Variants in ERCC6 observed in about 807,000 individuals in gnomAD.
ERCC6 encodes the protein ERCC excision repair 6, chromatin remodeling factor.
A neutral mutation model predicts 158.7 loss-of-function variants in ERCC6; 116 were observed. The ratio of observed to expected loss-of-function variants is 0.73; its 90% CI spans 0.63 to 0.85. The LOEUF is 0.85. ERCC6 is among the 40% of genes least tolerant of loss of function. The pLI is 0.00. For missense variants in ERCC6, 1,698 were observed against 1,799.4 expected (o/e 0.94, Z 1.02); for synonymous variants, 678 against 659.3 (o/e 1.03, Z -0.43).
chr10:49,508,146 A>C (rs77030623), intron 5 of ERCC6, among the ~76,000 whole-genome samples: 1,820 of 152,326 alleles, frequency 0.012, 28 homozygotes, highest in African/African-American at 0.04. Flanking sequence ...CCTTGGAAGA[A>C]TCACAGCCAC....
In ERCC6 at chr10:49,483,405, A is replaced by C. The variant is rs1382183290; in HGVS notation, c.1933T>G (p.Leu645Val). The stretch of plus-strand genomic sequence containing the variant: ...TTTCGAATTTTGTGTCCTTCGTCCA[A>C]GATCACATAGTGCCAGTCATACCTG... ...ISRYDWHYVILDEGHKIRNPN... is the reference protein window; with the variant it reads ...ISRYDWHYVIVDEGHKIRNPN... The change falls in exon 9 of 21, where the codon TTG (leucine) becomes GTG (valine). Residue 645 changes from leucine to valine, a missense_variant. Leu to Val is a conservative substitution (Grantham distance 32). Transcript: ENST00000355832. The C allele has an allele frequency of 6.2e-7, 1 of 1,614,158 alleles. No homozygotes were observed. Among genetic ancestry groups the C allele is most frequent in the Non-Finnish European group, 8.5e-7 (1 of 1,180,004 alleles).
intron 4 of ERCC6, among the ~76,000 whole-genome samples, chr10:49,526,316 C>CT (rs529790488): frequency 0.1 from 15,354 of 151,144 alleles, 1,145 homozygotes; most frequent in East Asian, 0.38. Context: ...CACATTATGG[C>CT]TATAATTTAC....
chr10:49,458,994 T>C lies in ERCC6; in HGVS notation c.4303A>G (p.Ile1435Val), dbSNP rs1239047281. Residue 1435 changes from isoleucine (I) to valine (V), a missense_variant, in exon 21 of 21, where the codon ATC becomes GTC. Transcript: ENST00000355832. ...DDLLVEMRNF[I>V]AFQAHTDGQA... ...CCATCAGTGTGGGCCTGGAAAGCGATGAAGTTTCTCATCTCCACCAGAAGG... is the reference window on the plus strand; with the variant it reads ...CCATCAGTGTGGGCCTGGAAAGCGACGAAGTTTCTCATCTCCACCAGAAGG... 6 of 1,614,166 alleles carry C rather than the reference T, an allele frequency of 3.7e-6. No homozygotes were observed. Among genetic ancestry groups the C allele is most frequent in the East Asian group, 4.5e-5 (2 of 44,872 alleles).
intron 18 of ERCC6, among the ~76,000 whole-genome samples, chr10:49,463,063 C>T (rs1455656203): frequency 2.0e-5 from 3 of 152,188 alleles, no homozygotes; most frequent in African/African-American, 7.2e-5. Flanking sequence ...GGTTGAATAT[C>T]TCTTACCCAA....
chr10:49,487,126 T>G (rs904127096), intron 8 of ERCC6, among the ~76,000 whole-genome samples: 3 of 152,356 alleles, frequency 2.0e-5, no homozygotes, highest in African/African-American at 7.2e-5. Flanking sequence ...GATTAAAATG[T>G]GTTTTAATTC....
chr10:49,510,897 C>T (rs542593846), intron 5 of ERCC6, among the ~76,000 whole-genome samples: 1 of 151,636 alleles, frequency 6.6e-6, no homozygotes, highest in Non-Finnish European at 1.5e-5. Flanking sequence ...GACTTTAAAG[C>T]ACTGCTCCTA....
intron 1 of ERCC6, among the ~76,000 whole-genome samples, chr10:49,534,149 A>AAAC (rs1837540282): frequency 2.8e-5 from 4 of 144,840 alleles, no homozygotes; most frequent in Admixed American, 1.4e-4. Flanking sequence ...AAAAAAAAAA[A>AAAC]AAAAACAAAA....
chr10:49,500,202 TA>T (rs1851333465), intron 7 of ERCC6, among the ~76,000 whole-genome samples: 1 of 152,222 alleles, frequency 6.6e-6, no homozygotes, highest in Non-Finnish European at 1.5e-5. Context: ...CCATATTGTG[TA>T]AACTATTGAT....
At chr10:49,484,146 T>C (rs1398809552) in intron 8 of ERCC6, among the ~76,000 whole-genome samples, 1 of 151,328 alleles carries the variant, frequency 6.6e-6, no homozygotes, top group Admixed American at 6.6e-5. Context: ...CTGGATGTGG[T>C]GCCAAGCACC....
intron 5 of ERCC6, among the ~76,000 whole-genome samples, chr10:49,520,580 G>A (rs1455433293): frequency 6.6e-6 from 1 of 152,176 alleles, no homozygotes; most frequent in Admixed American, 6.5e-5. Context: ...AGGAGTCAGT[G>A]ACATCTGTTT....
intron 8 of ERCC6, among the ~76,000 whole-genome samples, chr10:49,492,478 TCA>T (rs1851192003): frequency 6.6e-6 from 1 of 152,084 alleles, no homozygotes; most frequent in Admixed American, 6.6e-5. Context: ...TCAACAGAGC[TCA>T]CAGTCTGGAT....
chr10:49,493,019 G>C, intron 8 of ERCC6, 98 bp downstream of exon 8: 3 of 1,249,978 alleles, frequency 2.4e-6, no homozygotes, highest in Non-Finnish European at 3.4e-6. Context: ...AAAAACACAG[G>C]AATATACATT....
At chr10:49,495,396 T>C (rs1851250018) in intron 7 of ERCC6, among the ~76,000 whole-genome samples, 1 of 152,090 alleles carries the variant, frequency 6.6e-6, no homozygotes, top group South Asian at 2.1e-4. Flanking sequence ...TCCACTCCCT[T>C]TTCCTGCCCC....
intron 20 of ERCC6, chr10:49,460,016 A>T (rs973523214): frequency 1.4e-5 from 5 of 361,520 alleles, no homozygotes; most frequent in Non-Finnish European, 2.6e-5. Flanking sequence ...AGACACCAAC[A>T]TTCAAGGCAG....
At chr10:49,529,608 T>C (rs150601079) in intron 3 of ERCC6, among the ~76,000 whole-genome samples, 246 of 152,210 alleles carry the variant, frequency 1.6e-3, no homozygotes, top group Non-Finnish European at 2.8e-3. Context: ...TGAGAGAAGA[T>C]GGGGTAGTGC....
chr10:49,501,031 G>T, intron 6 of ERCC6: 1 of 252,668 alleles, frequency 4.0e-6, no homozygotes, highest in Non-Finnish European at 7.7e-6. Context: ...CACTTTCTGG[G>T]GGAAAAAATC....
At chr10:49,530,512 A>G (rs1043030065) in intron 3 of ERCC6, among the ~76,000 whole-genome samples, 1 of 152,208 alleles carries the variant, frequency 6.6e-6, no homozygotes, top group Non-Finnish European at 1.5e-5. Flanking sequence ...GTGTCTATGT[A>G]TGTGTGTTTT....
chr10:49,464,888 C>T (rs1850646875), intron 18 of ERCC6, among the ~76,000 whole-genome samples: 2 of 152,218 alleles, frequency 1.3e-5, no homozygotes, highest in Admixed American at 1.3e-4. Context: ...GCTGCAGGGG[C>T]AGGGTTCTCA....
chr10:49,437,504 T>TACTA, the ERCC6 span, among the ~76,000 whole-genome samples: 2 of 152,216 alleles, frequency 1.3e-5, no homozygotes, highest in Admixed American at 1.3e-4. Context: ...GAATAGTGTT[T>TACTA]ACTAGCTGGG....
Sources: gnomAD v4.1 joint callset for allele counts (sites outside exome capture counted in the v4.1 genomes callset) on GRCh38, gnomAD v4.1.1 for gene constraint, MANE v1.5 for transcripts, NCBI Gene and HGNC (gene_info 2026-07-23, HGNC 2026-07-21) for gene names.